Variants in CNTLN observed in about 807,000 individuals in gnomAD.
CNTLN encodes centlein, also known as centlein, centrosomal protein.
Under a neutral mutation model 180.0 loss-of-function variants are expected in CNTLN, and 212 were observed. The observed-to-expected ratio is 1.18, with a 90% CI of 1.05 to 1.32. CNTLN has a LOEUF of 1.32. Ranked by LOEUF, CNTLN falls within the 40% of genes most tolerant of loss-of-function variation. The pLI is 0.00. For synonymous variants in CNTLN, 722 were observed against 563.1 expected, an observed-to-expected ratio of 1.28 and a Z score of -3.99; for missense variants, 2,095 against 1,610.9, an observed-to-expected ratio of 1.30 and a Z score of -5.14.
intron 16 of CNTLN, among the ~76,000 whole-genome samples, chr9:17,410,406 T>C (rs1301782771): frequency 6.6e-6 from 1 of 152,208 alleles, no homozygotes; most frequent in East Asian, 1.9e-4. Context: ...TTTTTCTTAC[T>C]GGCTTAGACA....
Position 17,394,758 on chromosome 9 carries a change from G to C in CNTLN, c.2304G>C (p.Glu768Asp). 1.2e-6 allele frequency: 2 copies of C among 1,614,020 alleles called. No homozygotes were observed. Among genetic ancestry groups the C allele is most frequent in the Non-Finnish European group, 1.7e-6 (2 of 1,179,974 alleles). ...TELQVKISEL[E>D]TEVTSLRRQV... The stretch of plus-strand genomic sequence containing the variant: ...TTCAAGTAAAAATCAGTGAGCTGGA[G>C]ACAGAAGTCACTTCCCTGAGGAGAC... Residue 768 changes from glutamate to aspartate, a missense_variant, in exon 15 of 26, where the codon GAG (glutamate) becomes GAC (aspartate). Transcript: ENST00000380647.
In CNTLN at chr9:17,330,761, G is replaced by T; in HGVS notation, c.1471G>T (p.Gly491Cys). The change falls in exon 9 of 26, where the codon GGT (glycine) becomes TGT (cysteine). Residue 491 changes from glycine to cysteine, a missense_variant. Physicochemically the swap from Gly to Cys is radical, Grantham distance 159 (BLOSUM62 -3). Transcript: ENST00000380647. The stretch of plus-strand genomic sequence containing the variant: ...GTCAGAAAACATATCTGCCAACAAG[G>T]GTTTCTCCCGAAAGAGCATCATGAC... ...KLSENISANKGFSRKSIMTSA... is the reference protein window; with the variant it reads ...KLSENISANKCFSRKSIMTSA... The T allele has an allele frequency of 6.2e-7, 1 of 1,610,516 alleles. No homozygotes were observed.
chr9:17,163,192 C>G (rs1819801108), intron 2 of CNTLN, among the ~76,000 whole-genome samples: 2 of 152,140 alleles, frequency 1.3e-5, no homozygotes, highest in Admixed American at 1.3e-4. Context: ...TAAGATTCCT[C>G]CCTGTGATTG....
chr9:17,395,604 G>A (rs186937553), intron 15 of CNTLN, among the ~76,000 whole-genome samples: 18 of 152,232 alleles, frequency 1.2e-4, no homozygotes, highest in South Asian at 4.2e-4. Flanking sequence ...ATTATTTTAT[G>A]TATGTATTAT....
At chr9:17,162,616 A>G (rs1476548673) in intron 2 of CNTLN, among the ~76,000 whole-genome samples, 2 of 152,224 alleles carry the variant, frequency 1.3e-5, no homozygotes, top group African/African-American at 4.8e-5. Flanking sequence ...TGAGGACCTC[A>G]TTAAACATAT....
At chr9:17,523,170 C>G in the CNTLN span, among the ~76,000 whole-genome samples, 3 of 152,096 alleles carry the variant, frequency 2.0e-5, no homozygotes, top group Non-Finnish European at 4.4e-5. Context: ...TCTAAAAAAG[C>G]CTTATAACCA....
chr9:17,506,932 G>T (rs759542668), downstream of CNTLN, among the ~76,000 whole-genome samples: 2 of 151,986 alleles, frequency 1.3e-5, no homozygotes, highest in African/African-American at 2.4e-5. Context: ...TTAAATCAGG[G>T]TAATTATATC....
intron 5 of CNTLN, among the ~76,000 whole-genome samples, chr9:17,246,943 G>A (rs756258996): frequency 1.1e-4 from 16 of 152,044 alleles, no homozygotes; most frequent in Non-Finnish European, 2.1e-4. Context: ...GCTAGGTCCT[G>A]GAATGCGTGC....
intron 12 of CNTLN, among the ~76,000 whole-genome samples, chr9:17,359,959 A>T (rs2133377632): frequency 6.6e-6 from 1 of 152,054 alleles, no homozygotes; most frequent in Non-Finnish European, 1.5e-5. Context: ...CTAATGGCCA[A>T]TAAGCACATG....
chr9:17,166,022 A>G (rs1820046097), intron 2 of CNTLN, among the ~76,000 whole-genome samples: 1 of 152,244 alleles, frequency 6.6e-6, no homozygotes, highest in African/African-American at 2.4e-5. Flanking sequence ...TGAATGTGAA[A>G]CAAATGATCA....
At chr9:17,177,997 C>A (rs927845391) in intron 2 of CNTLN, among the ~76,000 whole-genome samples, 5 of 151,964 alleles carry the variant, frequency 3.3e-5, no homozygotes, top group African/African-American at 1.2e-4. Context: ...TTCTCCACAT[C>A]CCCACTAGAT....
At chr9:17,359,666 G>A (rs1823140982) in intron 12 of CNTLN, among the ~76,000 whole-genome samples, 1 of 144,268 alleles carries the variant, frequency 6.9e-6, no homozygotes, top group Admixed American at 7.2e-5. Context: ...TGGATCACGA[G>A]GTCCGGAGAT....
intron 13 of CNTLN, among the ~76,000 whole-genome samples, chr9:17,378,126 G>GTT (rs1824929071): frequency 6.6e-6 from 1 of 151,976 alleles, no homozygotes; most frequent in African/African-American, 2.4e-5. Flanking sequence ...TCTGCATCCA[G>GTT]TTTATCTCAA....
rs1438251224 is a variant in CNTLN, at chr9:17,179,038, A to G, written c.449+35662A>G. ...GGCGGGCGGATCACGAGGTCAGGAG[A>G]TCGAGACCATCCCGGCTAAAACGGT... On this transcript the variant is annotated intron_variant, in intron 2 of 25. Transcript: ENST00000380647. 6.2e-5 allele frequency among the ~76,000 whole-genome samples: 9 copies of G among 146,266 alleles called. No homozygotes were observed. In the East Asian group the frequency reaches 1.7e-3, roughly 28 times the overall value.
At chr9:17,323,845 C>T (rs1487776219) in intron 8 of CNTLN, among the ~76,000 whole-genome samples, 1 of 152,080 alleles carries the variant, frequency 6.6e-6, no homozygotes, top group Admixed American at 6.5e-5. Flanking sequence ...ATTACCCTAG[C>T]AGTTAACAAG....
intron 5 of CNTLN, among the ~76,000 whole-genome samples, chr9:17,251,844 C>T (rs983502446): frequency 2.0e-5 from 3 of 151,930 alleles, no homozygotes; most frequent in Non-Finnish European, 3.0e-5. Context: ...TTTCTTCCAT[C>T]TAACTGCATA....
intron 18 of CNTLN, among the ~76,000 whole-genome samples, chr9:17,445,249 G>A (rs1173751437): frequency 6.6e-6 from 1 of 152,080 alleles, no homozygotes; most frequent in Non-Finnish European, 1.5e-5. Context: ...TGTTAAATTT[G>A]TAATGAGTTG....
chr9:17,437,005 G>T (rs916858440), intron 18 of CNTLN, among the ~76,000 whole-genome samples: 3 of 152,154 alleles, frequency 2.0e-5, no homozygotes, highest in Non-Finnish European at 4.4e-5. Context: ...TTGATTTTGA[G>T]GCTGATGAAA....
chr9:17,518,434 G>T, the CNTLN span, among the ~76,000 whole-genome samples: 2 of 152,136 alleles, frequency 1.3e-5, no homozygotes, highest in African/African-American at 4.8e-5. Flanking sequence ...GAATATCTAA[G>T]TTTTAAGATT....
Sources: gnomAD v4.1 joint callset for allele counts (sites outside exome capture counted in the v4.1 genomes callset) on GRCh38, gnomAD v4.1.1 for gene constraint, MANE v1.5 for transcripts, NCBI Gene and HGNC (gene_info 2026-07-23, HGNC 2026-07-21) for gene names.